PEX5L: variants seen among roughly 807,000 people sequenced by gnomAD.
The protein encoded by PEX5L is PEX5-related protein.
In PEX5L, 30 loss-of-function variants were observed where a neutral mutation model predicts 84.0. That is an observed-to-expected ratio of 0.36 (90% CI 0.27 to 0.48). The LOEUF (loss-of-function observed/expected upper bound fraction) is 0.48, where lower values mean the gene tolerates loss of function less well. Ranked by LOEUF, PEX5L falls within the 20% of genes least tolerant of loss-of-function variation. The probability of loss-of-function intolerance (pLI) is 0.99; values close to 1 mark genes in which losing one functional copy is unlikely to be tolerated. For missense variants in PEX5L, 533 were observed against 754.6 expected (o/e 0.71, Z 3.44); for synonymous variants, 270 against 283.1 (o/e 0.95, Z 0.46).
intron 1 of PEX5L, among the ~76,000 whole-genome samples, chr3:179,999,049 C>A (rs181723575): frequency 6.6e-6 from 1 of 152,308 alleles, no homozygotes; most frequent in Non-Finnish European, 1.5e-5. Flanking sequence ...TCAAGCAATG[C>A]ACCTGGTTGT....
At chr3:179,902,102 A>G (rs1444070856) in intron 2 of PEX5L, 2 of 152,246 alleles carry the variant, frequency 1.3e-5, no homozygotes, top group Non-Finnish European at 2.9e-5. Context: ...TGTTTGACAT[A>G]ATTTCATTTA....
chr3:179,842,802 TGGCAGAAATTGGAAAACATACTCTG>T (rs1265067956), intron 8 of PEX5L, among the ~76,000 whole-genome samples: 2 of 152,174 alleles, frequency 1.3e-5, no homozygotes, highest in Non-Finnish European at 2.9e-5. Flanking sequence ...GAATGATTTT[TGGCAGAAATTGGAAAACATACTCTG>T]GGCAATATAG....
At chr3:179,937,503 G>C (rs772894035) in intron 2 of PEX5L, among the ~76,000 whole-genome samples, 5 of 151,946 alleles carry the variant, frequency 3.3e-5, no homozygotes, top group African/African-American at 2.4e-5. Context: ...TTCAACTCTG[G>C]CCTCCTTTCA....
chr3:180,036,282 C>T (rs1791901745), intron 1 of PEX5L, among the ~76,000 whole-genome samples: 1 of 152,186 alleles, frequency 6.6e-6, no homozygotes, highest in African/African-American at 2.4e-5. Context: ...GAAACACGGT[C>T]ATCTCTAGGG....
intron 9 of PEX5L, 93 bp downstream of exon 9, chr3:179,819,767 G>A (rs1314744231): frequency 9.3e-6 from 10 of 1,074,938 alleles, no homozygotes; most frequent in Non-Finnish European, 1.4e-5. Context: ...TAATTACTGT[G>A]TTTTTGACAG....
chr3:179,884,157 T>C (rs1266386304), intron 4 of PEX5L, among the ~76,000 whole-genome samples: 1 of 152,144 alleles, frequency 6.6e-6, no homozygotes, highest in Non-Finnish European at 1.5e-5. Flanking sequence ...GCTGGTGTGG[T>C]AGAAAAACGC....
chr3:179,870,348 C>T (rs1468740829), intron 7 of PEX5L, among the ~76,000 whole-genome samples: 1 of 152,190 alleles, frequency 6.6e-6, no homozygotes, highest in Admixed American at 6.5e-5. Context: ...GCTTCTTCAT[C>T]TCTCTGTCCT....
chr3:180,022,362 G>C (rs1387700355), intron 1 of PEX5L, among the ~76,000 whole-genome samples: 1 of 152,166 alleles, frequency 6.6e-6, no homozygotes, highest in Non-Finnish European at 1.5e-5. Flanking sequence ...CCATTTAGAA[G>C]TAGTTTCCTT....
chr3:180,000,530 A>C (rs1026066185), intron 1 of PEX5L, among the ~76,000 whole-genome samples: 1 of 152,172 alleles, frequency 6.6e-6, no homozygotes, highest in Non-Finnish European at 1.5e-5. Flanking sequence ...TGCTAGGTGA[A>C]TCAAAGGGAA....
chr3:180,025,670 A>G (rs1222345344), intron 1 of PEX5L, among the ~76,000 whole-genome samples: 1 of 152,104 alleles, frequency 6.6e-6, no homozygotes, highest in Non-Finnish European at 1.5e-5. Context: ...GGAATTGAGG[A>G]CGAGGAAATA....
At chr3:179,886,023 GTC>G (rs775015985) in intron 4 of PEX5L, among the ~76,000 whole-genome samples, 150 of 152,240 alleles carry the variant, frequency 9.9e-4, no homozygotes, top group Non-Finnish European at 1.9e-3. Flanking sequence ...TATTTCACAG[GTC>G]TCTCTTCCAT....
rs541900423 is a variant in PEX5L at position 180,036,815 on chromosome 3, C to A, written c.-216G>T. The stretch of plus-strand genomic sequence containing the variant: ...CTCCGCTCGGGGTGCTGAAAGCGGA[C>A]GCGGGAGAGCGCGCAGAGAAGGCGA... On this transcript the variant is annotated 5_prime_UTR_variant, in exon 1 of 15. Transcript: ENST00000467460. 1 of 572,368 alleles carries A rather than the reference C, an allele frequency of 1.7e-6. No individual in the cohort carries two copies. The allele number at this position is 572,368 out of a possible 1,614,324, so 35.5% of individuals were successfully genotyped here. A position where few individuals can be genotyped will look rare whatever the true frequency, so the allele number is the denominator to read the frequency against.
intron 2 of PEX5L, among the ~76,000 whole-genome samples, chr3:179,966,719 T>C (rs1310607493): frequency 6.6e-6 from 1 of 152,198 alleles, no homozygotes; most frequent in African/African-American, 2.4e-5. Context: ...TTATGAGCTA[T>C]TGGAGACACA....
chr3:179,945,674 A>G (rs1027946057), intron 2 of PEX5L, among the ~76,000 whole-genome samples: 1 of 152,220 alleles, frequency 6.6e-6, no homozygotes. Flanking sequence ...CCTTCCGTCC[A>G]TGGGAAGACA....
At chr3:179,840,033 T>G (rs1162823702) in intron 8 of PEX5L, among the ~76,000 whole-genome samples, 1 of 151,982 alleles carries the variant, frequency 6.6e-6, no homozygotes, top group Non-Finnish European at 1.5e-5. Context: ...GTGGCTGCAA[T>G]GTCCTGTGGA....
chr3:179,834,754 A>G (rs573276372), intron 8 of PEX5L, among the ~76,000 whole-genome samples: 1 of 152,306 alleles, frequency 6.6e-6, no homozygotes, highest in Non-Finnish European at 1.5e-5. Context: ...GCTTTTTATT[A>G]TCTTAGAATG....
chr3:179,963,042 A>G lies in PEX5L; in HGVS notation c.93+8552T>C, dbSNP rs1035617261. Among the ~76,000 whole-genome samples the G allele has an allele frequency of 2.0e-5, 3 of 152,342 alleles. No homozygotes were observed. The East Asian group carries it at 5.8e-4, about 29-fold the overall frequency. On this transcript the variant is annotated intron_variant, in intron 2 of 14. Coordinates refer to ENST00000467460, the MANE Select transcript of PEX5L (RefSeq NM_016559.3). ...CATAGGCTGAATATTAATATCTTAAAGTAAAGATACCTGATAGCATTTCAG... is the reference window on the plus strand; with the variant it reads ...CATAGGCTGAATATTAATATCTTAAGGTAAAGATACCTGATAGCATTTCAG...
intron 2 of PEX5L, among the ~76,000 whole-genome samples, chr3:179,915,109 A>T (rs1418263584): frequency 6.6e-6 from 1 of 152,228 alleles, no homozygotes; most frequent in African/African-American, 2.4e-5. Context: ...ATTCCTTTGT[A>T]TGCTTTGCTC....
intron 2 of PEX5L, among the ~76,000 whole-genome samples, chr3:179,963,952 C>CT (rs904664110): frequency 1.4e-4 from 21 of 149,236 alleles, no homozygotes; most frequent in East Asian, 5.9e-4. Context: ...CCAAGGACAT[C>CT]TTTTTTTTTT....
Sources: gnomAD v4.1 joint callset for allele counts (sites outside exome capture counted in the v4.1 genomes callset) on GRCh38, gnomAD v4.1.1 for gene constraint, MANE v1.5 for transcripts, NCBI Gene and HGNC (gene_info 2026-07-23, HGNC 2026-07-21) for gene names.